The following OXR1 variants were observed in gnomAD, a reference collection of about 807,000 sequenced individuals.
OXR1 encodes oxidation resistance protein 1.
Under a neutral mutation model 104.6 loss-of-function variants are expected in OXR1, and 41 were observed. The ratio of observed to expected loss-of-function variants is 0.39; its 90% CI spans 0.31 to 0.51. OXR1 has a LOEUF of 0.51. OXR1 is among the 20% of genes least tolerant of loss of function. OXR1 has a pLI of 0.77. For missense variants in OXR1, 955 were observed against 1,031.9 expected (o/e 0.93, Z 1.02); for synonymous variants, 348 against 348.4 (o/e 1.00, Z 0.01).
At position 106,420,341 on chromosome 8, in the gene OXR1, C is replaced by T. The variant is rs991739287; in HGVS notation, c.23+60705C>T. On this transcript the variant is annotated intron_variant, in intron 2 of 16. Transcript: ENST00000517566. ...TTATGAATTTCTTTTGTATAAATTT[C>T]CTTATGTATGAGAAATAAATATATT... is the stretch of plus-strand genomic sequence containing the variant. Among the ~76,000 whole-genome samples the T allele has an allele frequency of 6.1e-4, 93 of 151,764 alleles. 1 individual carries two copies. The highest frequency in any genetic ancestry group is 2.2e-3 in the African/African-American group (91 of 41,476).
At chr8:106,618,243 C>A (rs1209079030) in intron 3 of OXR1, 3 of 1,329,584 alleles carry the variant, frequency 2.3e-6, no homozygotes, top group Non-Finnish European at 3.1e-6. Context: ...TCAGATACAG[C>A]GGACATTAAA....
chr8:106,479,976 AG>A (rs1450925805), intron 2 of OXR1, among the ~76,000 whole-genome samples: 1 of 152,016 alleles, frequency 6.6e-6, no homozygotes, highest in Non-Finnish European at 1.5e-5. Context: ...TTAGTTATGT[AG>A]GCGGGAGCTG....
At chr8:106,406,467 A>G (rs1244132393) in intron 2 of OXR1, among the ~76,000 whole-genome samples, 1 of 152,164 alleles carries the variant, frequency 6.6e-6, no homozygotes, top group Non-Finnish European at 1.5e-5. Context: ...TCAGTAGATG[A>G]AGCAATGAAA....
intron 2 of OXR1, among the ~76,000 whole-genome samples, chr8:106,503,789 A>G (rs922293063): frequency 6.6e-6 from 1 of 152,106 alleles, no homozygotes; most frequent in African/African-American, 2.4e-5. Context: ...AGAGTCTTGG[A>G]TCTTGTCCAG....
chr8:106,747,900 T>C (rs1835526307), intron 16 of OXR1, among the ~76,000 whole-genome samples: 1 of 152,250 alleles, frequency 6.6e-6, no homozygotes, highest in African/African-American at 2.4e-5. Context: ...TTTGAGGTAC[T>C]ACTTAGATGC....
chr8:106,446,908 A>G (rs1481523449), intron 2 of OXR1, among the ~76,000 whole-genome samples: 1 of 152,222 alleles, frequency 6.6e-6, no homozygotes, highest in East Asian at 1.9e-4. Flanking sequence ...TCTTGGCAAC[A>G]GAGCAAGGCC....
At chr8:106,735,464 G>A (rs1012709404) in intron 11 of OXR1, among the ~76,000 whole-genome samples, 2 of 152,016 alleles carry the variant, frequency 1.3e-5, no homozygotes, top group Non-Finnish European at 1.5e-5. Context: ...ATACAATTAG[G>A]TTATGACTGA....
intron 1 of OXR1, among the ~76,000 whole-genome samples, chr8:106,286,080 T>C (rs1424319738): frequency 6.6e-6 from 1 of 152,132 alleles, no homozygotes; most frequent in Non-Finnish European, 1.5e-5. Flanking sequence ...TGGTCTAAGT[T>C]GGTAAAATGA....
chr8:106,583,043 G>C (rs1348462148), intron 3 of OXR1, among the ~76,000 whole-genome samples: 1 of 152,132 alleles, frequency 6.6e-6, no homozygotes, highest in Non-Finnish European at 1.5e-5. Flanking sequence ...TAAGTTTTTA[G>C]TTGTTAGGAG....
At chr8:106,511,491 T>C (rs1457549237) in intron 2 of OXR1, among the ~76,000 whole-genome samples, 1 of 152,078 alleles carries the variant, frequency 6.6e-6, no homozygotes, top group African/African-American at 2.4e-5. Flanking sequence ...TGTTCGGCCT[T>C]TGGGGCACAG....
At chr8:106,570,481 A>G (rs1254557594) in intron 3 of OXR1, among the ~76,000 whole-genome samples, 2 of 152,202 alleles carry the variant, frequency 1.3e-5, no homozygotes, top group African/African-American at 4.8e-5. Flanking sequence ...TGGAGAATTT[A>G]GAAAGATTAA....
intron 11 of OXR1, among the ~76,000 whole-genome samples, chr8:106,724,669 G>C (rs559890754): frequency 6.6e-6 from 1 of 152,270 alleles, no homozygotes; most frequent in East Asian, 1.9e-4. Context: ...ATTGATGCCG[G>C]CTAAAACTTG....
intron 2 of OXR1, among the ~76,000 whole-genome samples, chr8:106,422,378 A>T (rs1221787735): frequency 1.3e-5 from 2 of 152,208 alleles, no homozygotes; most frequent in Non-Finnish European, 2.9e-5. Context: ...CAAACGTGAA[A>T]AAAAGTTAAT....
chr8:106,742,382 T>C (rs549587421), intron 15 of OXR1, 65 bp downstream of exon 15: 10 of 897,302 alleles, frequency 1.1e-5, no homozygotes, highest in Middle Eastern at 2.2e-4. Context: ...CCAAAGCAAT[T>C]TATAGATTCA....
chr8:106,750,771 A>G (rs777445586), intron 16 of OXR1, 35 bp from the exon 17 acceptor site: 1 of 1,484,184 alleles, frequency 6.7e-7, no homozygotes, highest in Non-Finnish European at 9.2e-7. Flanking sequence ...AACTTAAGGC[A>G]TAAATATTAA....
At chr8:106,299,391 T>C (rs1003451112) in intron 1 of OXR1, among the ~76,000 whole-genome samples, 1 of 152,106 alleles carries the variant, frequency 6.6e-6, no homozygotes, top group Non-Finnish European at 1.5e-5. Flanking sequence ...TGAATAGTAA[T>C]GCAAGCTGCT....
intron 2 of OXR1, among the ~76,000 whole-genome samples, chr8:106,488,888 T>G (rs1000022249): frequency 1.3e-5 from 2 of 151,910 alleles, no homozygotes; most frequent in East Asian, 1.9e-4. Context: ...TTTGGCTTAG[T>G]ATTGACTTGG....
intron 2 of OXR1, among the ~76,000 whole-genome samples, chr8:106,398,551 T>C (rs1315325817): frequency 6.6e-6 from 1 of 152,136 alleles, no homozygotes; most frequent in African/African-American, 2.4e-5. Context: ...GAATACTGAA[T>C]AGGTATAAAA....
At chr8:106,590,494 G>T (rs1315577191) in intron 3 of OXR1, among the ~76,000 whole-genome samples, 1 of 152,134 alleles carries the variant, frequency 6.6e-6, no homozygotes, top group Non-Finnish European at 1.5e-5. Flanking sequence ...CACCATGTTG[G>T]CCAGGATGGT....
Sources: gnomAD v4.1 joint callset for allele counts (sites outside exome capture counted in the v4.1 genomes callset) on GRCh38, gnomAD v4.1.1 for gene constraint, MANE v1.5 for transcripts, NCBI Gene and HGNC (gene_info 2026-07-23, HGNC 2026-07-21) for gene names.